Variants in KHDC1 observed in about 807,000 individuals in gnomAD.
KHDC1 encodes the protein KH homology domain-containing protein 1.
A neutral mutation model predicts 24.7 loss-of-function variants in KHDC1; 21 were observed. The observed-to-expected ratio is 0.85, with a 90% CI of 0.60 to 1.23. The LOEUF is 1.23. Ranked by LOEUF, KHDC1 falls within the 50% of genes most tolerant of loss-of-function variation. KHDC1 has a pLI of 0.00. For missense variants in KHDC1, 274 were observed against 298.5 expected (o/e 0.92, Z 0.61); for synonymous variants, 98 against 111.7 (o/e 0.88, Z 0.77).
intron 2 of KHDC1, among the ~76,000 whole-genome samples, chr6:73,255,010 A>G (rs1034395093): frequency 2.0e-5 from 3 of 148,838 alleles, no homozygotes; most frequent in Non-Finnish European, 4.5e-5. Flanking sequence ...CTCAAAAAGA[A>G]AAAAAAAAAA....
chr6:73,242,054 C>A lies in KHDC1; in HGVS notation c.514+1G>T, dbSNP rs748066811. 2 of 1,609,568 alleles carry A rather than the reference C, an allele frequency of 1.2e-6. No individual in the cohort carries two copies. The highest frequency in any genetic ancestry group is 1.7e-6 in the Non-Finnish European group (2 of 1,177,684). Reference sequence around the variant, plus strand: ...ACCACAGTTCAGCCAAGGATACCTACCTCGAGCATGATGATAGGAGTCCTG... The same window carrying A: ...ACCACAGTTCAGCCAAGGATACCTAACTCGAGCATGATGATAGGAGTCCTG... On this transcript the variant is annotated splice_donor_variant, in intron 4 of 4. Coordinates refer to ENST00000370384, the Ensembl canonical transcript of KHDC1. LOFTEE classifies it high-confidence loss of function.
chr6:73,262,974 G>A, intron 2 of KHDC1: 1 of 997,514 alleles, frequency 1.0e-6, no homozygotes, highest in Non-Finnish European at 1.2e-6. Context: ...CCAAGGCTGG[G>A]CTTTGACGGT....
chr6:73,252,170 G>A (rs1400660645), intron 2 of KHDC1, among the ~76,000 whole-genome samples: 1 of 151,614 alleles, frequency 6.6e-6, no homozygotes, highest in Non-Finnish European at 1.5e-5. Flanking sequence ...AGCTTCCTGA[G>A]CAGCAGGGAC....
chr6:73,241,793 G>C, intron 4 of KHDC1, 65 bp from the exon 4 acceptor site: 2 of 1,554,994 alleles, frequency 1.3e-6, no homozygotes, highest in Non-Finnish European at 1.8e-6. Context: ...GGCAGGCCTG[G>C]ACTCCATCAG....
intron 1 of KHDC1, among the ~76,000 whole-genome samples, chr6:73,309,332 T>C (rs1303780475): frequency 6.6e-6 from 1 of 152,220 alleles, no homozygotes; most frequent in Non-Finnish European, 1.5e-5. Context: ...CTTTGGTTGC[T>C]TCTAGCCACA....
intron 2 of KHDC1, among the ~76,000 whole-genome samples, chr6:73,243,314 T>C (rs890668296): frequency 1.3e-5 from 2 of 152,204 alleles, no homozygotes; most frequent in African/African-American, 4.8e-5. Flanking sequence ...CAACTATGCC[T>C]GTCAGCTCCC....
At chr6:73,306,878 G>A (rs1408950843) in intron 1 of KHDC1, among the ~76,000 whole-genome samples, 3 of 152,070 alleles carry the variant, frequency 2.0e-5, no homozygotes, top group South Asian at 2.1e-4. Context: ...GTGTGGTGGC[G>A]CACGCCTGTA....
At chr6:73,255,990 G>C (rs1217376500) in intron 2 of KHDC1, among the ~76,000 whole-genome samples, 1 of 151,590 alleles carries the variant, frequency 6.6e-6, no homozygotes, top group Non-Finnish European at 1.5e-5. Context: ...TGTCGAGCCT[G>C]AAGTCTGAAT....
At chr6:73,266,417 A>G (rs1221587733) in intron 2 of KHDC1, among the ~76,000 whole-genome samples, 1 of 152,228 alleles carries the variant, frequency 6.6e-6, no homozygotes, top group African/African-American at 2.4e-5. Flanking sequence ...ATATGTTGTC[A>G]TTTACTGAGG....
chr6:73,307,884 C>T (rs550183016), intron 1 of KHDC1, among the ~76,000 whole-genome samples: 15 of 152,018 alleles, frequency 9.9e-5, no homozygotes, highest in African/African-American at 3.6e-4. Context: ...GTGGGGTAGG[C>T]GACAGAGTTT....
intron 2 of KHDC1, chr6:73,269,359 C>G (rs572907806): frequency 1.3e-5 from 2 of 153,606 alleles, no homozygotes; most frequent in East Asian, 3.8e-4. Context: ...CAAGTGCCGC[C>G]AAAGTGGGAG....
chr6:73,262,910 T>G, intron 2 of KHDC1: 2 of 987,166 alleles, frequency 2.0e-6, no homozygotes, highest in Non-Finnish European at 2.4e-6. Context: ...AACCCAGGCT[T>G]CTCTGTCCCT....
At chr6:73,306,236 T>C (rs1445838704) in intron 1 of KHDC1, among the ~76,000 whole-genome samples, 4 of 152,052 alleles carry the variant, frequency 2.6e-5, no homozygotes, top group Admixed American at 6.6e-5. Flanking sequence ...ACCAGAGCTC[T>C]AAATCACAAC....
chr6:73,267,208 A>G (rs7382700), intron 2 of KHDC1, among the ~76,000 whole-genome samples: 42,092 of 152,066 alleles, frequency 0.28, 6,466 homozygotes, highest in African/African-American at 0.41. Context: ...GGCCAAGCAC[A>G]GTGGCTTACG....
chr6:73,281,477 C>G (rs764212928), intron 2 of KHDC1, among the ~76,000 whole-genome samples: 1 of 151,856 alleles, frequency 6.6e-6, no homozygotes, highest in South Asian at 2.1e-4. Context: ...ATCAGCCAGG[C>G]GTGGTGATGG....
At chr6:73,270,489 G>GA (rs1219119703) in intron 2 of KHDC1, 1 of 151,836 alleles carries the variant, frequency 6.6e-6, no homozygotes, top group East Asian at 1.9e-4. Flanking sequence ...AAGAAAAACA[G>GA]AAAAATAATA....
exon 5 of KHDC1, chr6:73,241,328 A>T: frequency 1.8e-6 from 1 of 554,742 alleles, no homozygotes; most frequent in Non-Finnish European, 3.2e-6. Flanking sequence ...CATCATAGGT[A>T]GCTTATTTTA....
chr6:73,288,645 G>A (rs1423117629), intron 2 of KHDC1, among the ~76,000 whole-genome samples: 1 of 151,700 alleles, frequency 6.6e-6, no homozygotes, highest in Non-Finnish European at 1.5e-5. Context: ...CTTTGAGCAG[G>A]GTGCAGTGGC....
At chr6:73,243,981 A>C (rs966403588) in intron 2 of KHDC1, among the ~76,000 whole-genome samples, 1 of 152,130 alleles carries the variant, frequency 6.6e-6, no homozygotes, top group Non-Finnish European at 1.5e-5. Context: ...TATTATTCCT[A>C]TTACTGGAAT....
Sources: allele counts gnomAD v4.1 joint callset (sites outside exome capture counted in the v4.1 genomes callset), GRCh38; gene constraint gnomAD v4.1.1; transcripts MANE v1.5; gene names NCBI Gene and HGNC (gene_info 2026-07-23, HGNC 2026-07-21).